The following SLC6A16 variants were observed in gnomAD, a reference collection of about 807,000 sequenced individuals.
SLC6A16 encodes orphan sodium- and chloride-dependent neurotransmitter transporter NTT5.
A neutral mutation model predicts 65.4 loss-of-function variants in SLC6A16; 54 were observed. That is an observed-to-expected ratio of 0.83 (90% confidence interval 0.66 to 1.04). SLC6A16 has a LOEUF of 1.04. Among genes scored for constraint, SLC6A16 ranks in the 50% least tolerant of loss-of-function variants. SLC6A16 has a pLI of 0.00. For synonymous variants in SLC6A16, 330 were observed against 346.5 expected (o/e 0.95, Z 0.53); for missense variants, 816 against 914.0 (o/e 0.89, Z 1.38).
In SLC6A16 at chr19:49,310,340, A is replaced by G. The variant is rs1445800683; in HGVS notation, c.573+13T>C. 6.2e-7 allele frequency: 1 copy of G among 1,613,786 alleles called. No homozygotes were observed. Among genetic ancestry groups the G allele is most frequent in the Admixed American group, 1.7e-5 (1 of 59,956 alleles). Reference sequence around the variant, plus strand: ...GTGTAAAAGTCAGGCCTGGGCAGCCATGGGCTCCTCACCATGAAGCTAGAA... The same window carrying G: ...GTGTAAAAGTCAGGCCTGGGCAGCCGTGGGCTCCTCACCATGAAGCTAGAA... On this transcript the variant is annotated intron_variant, in intron 3 of 11. Coordinates refer to ENST00000335875, the MANE Select transcript of SLC6A16 (RefSeq NM_014037.3).
At chr19:49,305,407 C>T (rs551942722) in intron 7 of SLC6A16, among the ~76,000 whole-genome samples, 6 of 152,138 alleles carry the variant, frequency 3.9e-5, no homozygotes, top group Admixed American at 3.3e-4. Context: ...TCCTGGTGAA[C>T]ATGGTGAAAC....
chr19:49,294,606 T>C (rs1970150386), intron 7 of SLC6A16, 53 bp from the exon 8 acceptor site: 2 of 1,441,314 alleles, frequency 1.4e-6, no homozygotes, highest in African/African-American at 1.5e-5. Context: ...TAGGAGATAG[T>C]CTCCTTTTCC....
chr19:49,310,924 C>T lies in SLC6A16; in HGVS notation c.415+9G>A. On this transcript the variant is annotated intron_variant, in intron 2 of 11. Transcript: ENST00000335875. ...TTGTGGACCCAGGTTTCCTGGTCCC[C>T]AGACTTACAGCCTCCACTGTTAAGC... The T allele has an allele frequency of 8.1e-6, 13 of 1,604,218 alleles. No homozygotes were observed. The highest frequency in any genetic ancestry group is 1.1e-5 in the Non-Finnish European group (13 of 1,173,912).
chr19:49,307,724 C>CAAAAAAAAAAAAAA (rs74182049), intron 7 of SLC6A16, among the ~76,000 whole-genome samples: 2 of 76,676 alleles, frequency 2.6e-5, no homozygotes, highest in Non-Finnish European at 4.6e-5. Flanking sequence ...GAGGAGGAAG[C>CAAAAAAAAAAAAAA]AAAAAAAAAG....
At chr19:49,323,424 A>ATGGGAGGAAATT (rs1970747341) in intron 1 of SLC6A16, among the ~76,000 whole-genome samples, 1 of 152,180 alleles carries the variant, frequency 6.6e-6, no homozygotes, top group Non-Finnish European at 1.5e-5. Flanking sequence ...TGAAAAGATA[A>ATGGGAGGAAATT]CCCACAGAAT....
At chr19:49,320,428 C>A (rs423324) in intron 1 of SLC6A16, among the ~76,000 whole-genome samples, 101,712 of 141,550 alleles carry the variant, frequency 0.72, 36,842 homozygotes, top group South Asian at 0.79. Context: ...AACAAACAAA[C>A]AAAAAAAAAC....
chr19:49,322,213 T>C (rs565002561), intron 1 of SLC6A16, among the ~76,000 whole-genome samples: 2 of 152,220 alleles, frequency 1.3e-5, no homozygotes, highest in South Asian at 2.1e-4. Flanking sequence ...AATAAATGAA[T>C]TCAGCAAAGT....
Position 49,311,176 on chromosome 19 carries a change from C to T in SLC6A16, c.172G>A (p.Glu58Lys), listed in dbSNP as rs1255459789. 6.2e-7 allele frequency: 1 copy of T among 1,614,146 alleles called. No homozygotes were observed. The highest frequency in any genetic ancestry group is 1.3e-5 in the African/African-American group (1 of 75,062). The change falls in exon 2 of 12, where the codon GAG (glutamate) becomes AAG (lysine). Residue 58 changes from glutamate to lysine, a missense_variant. Transcript: ENST00000335875. Reference protein sequence around the residue: ...EAQVSAARVAEAQARTSQPKQ... With the variant: ...EAQVSAARVAKAQARTSQPKQ... Reference sequence around the variant, plus strand: ...GGCTGACTGGTCCTGGCCTGAGCCTCTGCAACCCGGGCTGCTGAAACTTGG... The same window carrying T: ...GGCTGACTGGTCCTGGCCTGAGCCTTTGCAACCCGGGCTGCTGAAACTTGG...
At chr19:49,336,980 G>A in the SLC6A16 span, 24 of 1,613,956 alleles carry the variant, frequency 1.5e-5, no homozygotes, top group Non-Finnish European at 2.0e-5. Flanking sequence ...CATGGGCATC[G>A]CCCTCCTGGG....
the SLC6A16 span, among the ~76,000 whole-genome samples, chr19:49,334,008 G>T: frequency 6.6e-6 from 1 of 152,170 alleles, no homozygotes; most frequent in East Asian, 1.9e-4. Context: ...CTCAGCTTCC[G>T]CTGGGGGTGT....
At chr19:49,315,351 T>C in intron 1 of SLC6A16, among the ~76,000 whole-genome samples, 1 of 152,132 alleles carries the variant, frequency 6.6e-6, no homozygotes, top group East Asian at 1.9e-4. Context: ...CAACAGCAGG[T>C]GGGCCACTCC....
At chr19:49,299,997 CAAAA>C (rs889761825) in intron 7 of SLC6A16, among the ~76,000 whole-genome samples, 6 of 49,012 alleles carry the variant, frequency 1.2e-4, no homozygotes, top group Non-Finnish European at 2.2e-4. Flanking sequence ...GACTCTGTCT[CAAAA>C]AAAAAAAAAA....
At chr19:49,309,481 A>G (rs1970466133) in intron 5 of SLC6A16, 70 bp from the exon 6 acceptor site, 1 of 1,377,518 alleles carries the variant, frequency 7.3e-7, no homozygotes. Context: ...GGAGGGATCA[A>G]AAGTTCTGAG....
chr19:49,294,295 A>G, intron 8 of SLC6A16, 72 bp downstream of exon 8: 1 of 1,466,734 alleles, frequency 6.8e-7, no homozygotes, highest in Non-Finnish European at 9.3e-7. Context: ...TGGTGCTAAT[A>G]AAAGCTAAAA....
At chr19:49,302,785 C>G (rs941801926) in intron 7 of SLC6A16, among the ~76,000 whole-genome samples, 6 of 152,014 alleles carry the variant, frequency 3.9e-5, no homozygotes, top group Non-Finnish European at 8.8e-5. Context: ...AACAAAGGCA[C>G]TGAAAATATG....
At chr19:49,318,388 A>T (rs1235270015) in intron 1 of SLC6A16, among the ~76,000 whole-genome samples, 1 of 152,196 alleles carries the variant, frequency 6.6e-6, no homozygotes, top group Non-Finnish European at 1.5e-5. Flanking sequence ...AGCAACCCTT[A>T]AACAGCCAAA....
At chr19:49,335,883 C>A in the SLC6A16 span, 2 of 988,742 alleles carry the variant, frequency 2.0e-6, no homozygotes, top group Non-Finnish European at 3.2e-6. This position sits in a 1 kb window ranked among gnomAD's most constrained non-coding sequence, Gnocchi z 4.6. Flanking sequence ...CCCTACTCTG[C>A]AGGCAGGCTA....
the SLC6A16 span, chr19:49,335,446 C>T: frequency 6.6e-6 from 6 of 913,356 alleles, 1 homozygote; most frequent in South Asian, 8.3e-5. This position sits in a 1 kb window ranked among gnomAD's most constrained non-coding sequence, Gnocchi z 4.6. Flanking sequence ...CTCTCCGTCT[C>T]TCTTTCTCTC....
At chr19:49,312,810 T>C (rs957962029) in intron 1 of SLC6A16, among the ~76,000 whole-genome samples, 1 of 152,178 alleles carries the variant, frequency 6.6e-6, no homozygotes, top group Non-Finnish European at 1.5e-5. Flanking sequence ...AAAATGCTTA[T>C]AATTCAATTA....
Sources: gnomAD v4.1 joint callset for allele counts (sites outside exome capture counted in the v4.1 genomes callset) on GRCh38, gnomAD v4.1.1 for gene constraint, Gnocchi (gnomAD v3.1) non-coding constraint, MANE v1.5 for transcripts, NCBI Gene and HGNC (gene_info 2026-07-23, HGNC 2026-07-21) for gene names.